The following ADIPOR2 variants were observed in gnomAD, a reference collection of about 807,000 sequenced individuals.
The protein encoded by ADIPOR2 is adiponectin receptor 2.
In ADIPOR2, 18 loss-of-function variants were observed where a neutral mutation model predicts 40.9. The ratio of observed to expected loss-of-function variants is 0.44; its 90% CI spans 0.30 to 0.65. The LOEUF is 0.65. Among genes scored for constraint, ADIPOR2 ranks in the 30% least tolerant of loss-of-function variants. ADIPOR2 has a pLI of 0.09. For missense variants in ADIPOR2, 283 were observed against 479.2 expected (o/e 0.59, Z 3.82); for synonymous variants, 165 against 166.4 (o/e 0.99, Z 0.06).
intron 2 of ADIPOR2, chr12:1,760,789 C>T (rs1214772948): frequency 6.6e-6 from 1 of 152,216 alleles, no homozygotes; most frequent in African/African-American, 2.4e-5. Flanking sequence ...ATGGAAAATT[C>T]CAGAAATAAT....
At chr12:1,732,305 A>G (rs1300077105) in intron 1 of ADIPOR2, among the ~76,000 whole-genome samples, 5 of 152,222 alleles carry the variant, frequency 3.3e-5, no homozygotes, top group Non-Finnish European at 7.3e-5. Flanking sequence ...CTAAATACTC[A>G]GTGTTTCATC....
chr12:1,772,678 A>T, intron 2 of ADIPOR2, 164 bp from the exon 3 acceptor site: 1 of 793,010 alleles, frequency 1.3e-6, no homozygotes, highest in Non-Finnish European at 1.8e-6. Context: ...TTCATTTTTA[A>T]TACTAATAAT....
intron 4 of ADIPOR2, 68 bp downstream of exon 4, chr12:1,778,093 G>A: frequency 6.7e-7 from 1 of 1,499,990 alleles, no homozygotes. Flanking sequence ...ATGTATTTGA[G>A]GGTAAGCACA....
intron 1 of ADIPOR2, among the ~76,000 whole-genome samples, chr12:1,751,424 T>G (rs2094768869): frequency 1.3e-5 from 2 of 152,190 alleles, no homozygotes; most frequent in African/African-American, 4.8e-5. Flanking sequence ...TTAAAAATTA[T>G]TGGGGAACTC....
intron 2 of ADIPOR2, among the ~76,000 whole-genome samples, chr12:1,755,726 G>A (rs1862111546): frequency 6.6e-6 from 1 of 152,180 alleles, no homozygotes; most frequent in Non-Finnish European, 1.5e-5. Flanking sequence ...TATAGCATGT[G>A]TTTAATGTTT....
intron 1 of ADIPOR2, among the ~76,000 whole-genome samples, chr12:1,715,470 GA>G (rs2094685687): frequency 6.6e-6 from 1 of 152,026 alleles, no homozygotes; most frequent in African/African-American, 2.4e-5. Context: ...CCATCTGAAA[GA>G]AAAAACCTCC....
At chr12:1,779,462 A>T (rs990797559) in intron 4 of ADIPOR2, among the ~76,000 whole-genome samples, 1 of 152,212 alleles carries the variant, frequency 6.6e-6, no homozygotes, top group Admixed American at 6.5e-5. Flanking sequence ...AAATGTCCAG[A>T]ACAGGAAAAT....
At chr12:1,726,757 C>T (rs909694418) in intron 1 of ADIPOR2, among the ~76,000 whole-genome samples, 1 of 151,952 alleles carries the variant, frequency 6.6e-6, no homozygotes, top group Non-Finnish European at 1.5e-5. Context: ...TTTTCAAGTT[C>T]ATTCTGTTTC....
chr12:1,741,292 G>C (rs1303054397), intron 1 of ADIPOR2, among the ~76,000 whole-genome samples: 1 of 152,130 alleles, frequency 6.6e-6, no homozygotes, highest in East Asian at 1.9e-4. Flanking sequence ...AGGCCTGTTA[G>C]GGGATTATCA....
chr12:1,728,375 G>T (rs974191889), intron 1 of ADIPOR2, among the ~76,000 whole-genome samples: 7 of 151,744 alleles, frequency 4.6e-5, no homozygotes, highest in Non-Finnish European at 1.0e-4. Flanking sequence ...CTTTCAAAGT[G>T]CTGGGATTAC....
intron 1 of ADIPOR2, among the ~76,000 whole-genome samples, chr12:1,720,672 C>G (rs1343233577): frequency 6.6e-6 from 1 of 152,156 alleles, no homozygotes; most frequent in Non-Finnish European, 1.5e-5. Flanking sequence ...CAGTGGGGAG[C>G]AGCTGTAAAC....
At chr12:1,691,545 C>T (rs887598274) in intron 1 of ADIPOR2, among the ~76,000 whole-genome samples, 1 of 152,212 alleles carries the variant, frequency 6.6e-6, no homozygotes, top group Non-Finnish European at 1.5e-5. Context: ...GCTCCCTGCC[C>T]GCGGAGAGGA....
intron 1 of ADIPOR2, among the ~76,000 whole-genome samples, chr12:1,740,726 G>A (rs1194077285): frequency 6.6e-6 from 1 of 152,208 alleles, no homozygotes; most frequent in Non-Finnish European, 1.5e-5. Flanking sequence ...GTATGTATGT[G>A]TGTGTACTAT....
At chr12:1,723,614 T>A (rs2094702149) in intron 1 of ADIPOR2, among the ~76,000 whole-genome samples, 1 of 151,902 alleles carries the variant, frequency 6.6e-6, no homozygotes, top group Non-Finnish European at 1.5e-5. Context: ...CATTCCAGTC[T>A]GGGTGACAGA....
chr12:1,756,948 A>G lies in ADIPOR2; in HGVS notation c.171+2434A>G, dbSNP rs144506160. On this transcript the variant is annotated intron_variant, in intron 2 of 7. Coordinates refer to ENST00000357103, the MANE Select transcript of ADIPOR2 (RefSeq NM_024551.3). ...GGAAGAGCGGGTTTAAGGTAGGGAA[A>G]TCAAGAGTGGTGTTTTGGAAATGTG... Among the ~76,000 whole-genome samples, 833 of 152,254 alleles carry G rather than the reference A, an allele frequency of 5.5e-3. 11 individuals carry two copies. Among genetic ancestry groups the G allele is most frequent in the Admixed American group, 8.9e-3 (136 of 15,286 alleles).
chr12:1,756,888 A>T (rs1862143990), intron 2 of ADIPOR2, among the ~76,000 whole-genome samples: 1 of 152,134 alleles, frequency 6.6e-6, no homozygotes, highest in Non-Finnish European at 1.5e-5. Context: ...ATCAAGGCTG[A>T]TTCTCTGAGC....
At chr12:1,762,911 A>G (rs1231939718) in intron 2 of ADIPOR2, among the ~76,000 whole-genome samples, 1 of 152,196 alleles carries the variant, frequency 6.6e-6, no homozygotes. Context: ...GGCAATTTCA[A>G]TGGTTATTTG....
intron 4 of ADIPOR2, 174 bp downstream of exon 4, chr12:1,778,199 ACTATGATTTTGT>A: frequency 1.4e-6 from 1 of 702,424 alleles, no homozygotes; most frequent in South Asian, 2.4e-5. Context: ...CCTGGTTTGC[ACTATGATTTTGT>A]TATAACTTAA....
chr12:1,779,071 C>G (rs1270074954), intron 4 of ADIPOR2, among the ~76,000 whole-genome samples: 1 of 152,182 alleles, frequency 6.6e-6, no homozygotes, highest in Non-Finnish European at 1.5e-5. Context: ...TTGGAACTTT[C>G]ATACGTTGCC....
Sources: allele counts gnomAD v4.1 joint callset (sites outside exome capture counted in the v4.1 genomes callset), GRCh38; gene constraint gnomAD v4.1.1; transcripts MANE v1.5; gene names NCBI Gene and HGNC (gene_info 2026-07-23, HGNC 2026-07-21).